PDK1: variants seen among roughly 807,000 people sequenced by gnomAD.
PDK1 encodes the protein [Pyruvate dehydrogenase (acetyl-transferring)] kinase isozyme 1, mitochondrial.
A neutral mutation model predicts 54.2 loss-of-function variants in PDK1; 39 were observed. That is an observed-to-expected ratio of 0.72 (90% confidence interval 0.56 to 0.94). PDK1 has a LOEUF of 0.94. PDK1 is among the 40% of genes least tolerant of loss of function. The pLI, the probability that PDK1 is intolerant of heterozygous loss-of-function variation, is 0.00. For synonymous variants in PDK1, 221 were observed against 207.1 expected (o/e 1.07, Z -0.58); for missense variants, 552 against 566.0 (o/e 0.98, Z 0.25).
At chr2:172,698,680 A>G in the PDK1 span, among the ~76,000 whole-genome samples, 1 of 152,232 alleles carries the variant, frequency 6.6e-6, no homozygotes, top group Non-Finnish European at 1.5e-5. Context: ...TGGGTAACAA[A>G]TTCCCAGGTG....
At chr2:172,585,430 A>G (rs764040048) in intron 8 of PDK1, among the ~76,000 whole-genome samples, 1 of 148,378 alleles carries the variant, frequency 6.7e-6, no homozygotes, top group African/African-American at 2.5e-5. Context: ...GGTTCAAGCA[A>G]TTGTTCTGCC....
chr2:172,568,896 C>G (rs1689103972), intron 7 of PDK1, 79 bp downstream of exon 7: 1 of 792,684 alleles, frequency 1.3e-6, no homozygotes, highest in Non-Finnish European at 2.2e-6. Context: ...AAATATTCCA[C>G]TAGGTTCTCC....
chr2:172,625,464 T>G, the PDK1 span, among the ~76,000 whole-genome samples: 1 of 152,252 alleles, frequency 6.6e-6, no homozygotes, highest in African/African-American at 2.4e-5. Context: ...ATCATGCATC[T>G]GTTTGTAACT....
At chr2:172,686,504 A>G in the PDK1 span, among the ~76,000 whole-genome samples, 1 of 152,140 alleles carries the variant, frequency 6.6e-6, no homozygotes, top group Admixed American at 6.5e-5. Context: ...TGCTCTGTAA[A>G]ATGGACCAAT....
At chr2:172,609,731 A>C (rs1485599736), downstream of PDK1, among the ~76,000 whole-genome samples, 1 of 152,240 alleles carries the variant, frequency 6.6e-6, no homozygotes, top group Non-Finnish European at 1.5e-5. Context: ...TCCCAAAAGT[A>C]AACTCAATTA....
At chr2:172,720,034 G>A in the PDK1 span, among the ~76,000 whole-genome samples, 49 of 151,828 alleles carry the variant, frequency 3.2e-4, no homozygotes, top group South Asian at 7.3e-3. Context: ...TTTGTATAGG[G>A]GTTGAGTTTA....
chr2:172,648,353 A>G, the PDK1 span, among the ~76,000 whole-genome samples: 1 of 152,206 alleles, frequency 6.6e-6, no homozygotes, highest in African/African-American at 2.4e-5. Context: ...AAACAGAAAA[A>G]TGTTAAATGT....
the PDK1 span, among the ~76,000 whole-genome samples, chr2:172,676,191 A>G: frequency 3.9e-5 from 6 of 152,292 alleles, no homozygotes; most frequent in South Asian, 8.3e-4. Context: ...CATGATTTTC[A>G]TGCCTGCTAA....
downstream of PDK1, among the ~76,000 whole-genome samples, chr2:172,609,577 G>C (rs1157667773): frequency 6.6e-6 from 1 of 152,188 alleles, no homozygotes; most frequent in East Asian, 1.9e-4. Context: ...ATTTATTAGA[G>C]TCCAAACAAC....
At chr2:172,663,558 C>T in the PDK1 span, among the ~76,000 whole-genome samples, 1 of 151,698 alleles carries the variant, frequency 6.6e-6, no homozygotes, top group Non-Finnish European at 1.5e-5. Flanking sequence ...CAGCCTCCAC[C>T]TCCCAGGCTC....
At chr2:172,710,185 G>A in the PDK1 span, among the ~76,000 whole-genome samples, 5 of 152,126 alleles carry the variant, frequency 3.3e-5, no homozygotes, top group African/African-American at 9.6e-5. Flanking sequence ...AAACTTTCAC[G>A]GTAAAGGCAC....
intron 5 of PDK1, among the ~76,000 whole-genome samples, 163 bp from the exon 6 acceptor site, chr2:172,566,693 C>CAA (rs764324321): frequency 0.027 from 1,590 of 59,496 alleles, 47 homozygotes; most frequent in African/African-American, 0.088. Flanking sequence ...ATGTCTCTAC[C>CAA]AAAAAAAAAA....
chr2:172,626,274 A>G, the PDK1 span, among the ~76,000 whole-genome samples: 1 of 152,162 alleles, frequency 6.6e-6, no homozygotes, highest in Non-Finnish European at 1.5e-5. Flanking sequence ...CTACTTTTCA[A>G]TTTGATTTTG....
chr2:172,716,150 A>G, the PDK1 span, among the ~76,000 whole-genome samples: 4 of 152,198 alleles, frequency 2.6e-5, no homozygotes, highest in East Asian at 5.8e-4. Flanking sequence ...AATGTTATCA[A>G]GATGGATGTG....
Position 172,599,621 on chromosome 2 carries a change from A to G in PDK1, c.*3652A>G, listed in dbSNP as rs921023353. ...AAATAATATAATTAATACTGTGTGA[A>G]GAATTTTTTGCATGTTAAAAAAAGC... On this transcript the variant is annotated 3_prime_UTR_variant, in exon 11 of 11. Coordinates refer to ENST00000282077, the MANE Select transcript of PDK1 (RefSeq NM_002610.5). 2 of 152,204 alleles carry G rather than the reference A, an allele frequency of 1.3e-5. No homozygotes were observed. The highest frequency in any genetic ancestry group is 2.9e-5 in the Non-Finnish European group (2 of 68,040). 9.4% of individuals were successfully genotyped at this position (152,204 alleles called of 1,614,324 possible). A position where few individuals can be genotyped will look rare whatever the true frequency, so the allele number is the denominator to read the frequency against.
the PDK1 span, among the ~76,000 whole-genome samples, chr2:172,642,309 G>A: frequency 3.3e-5 from 5 of 152,168 alleles, no homozygotes; most frequent in Non-Finnish European, 4.4e-5. Flanking sequence ...TTAATCTCTT[G>A]TGTGGGTACT....
chr2:172,578,766 T>C (rs1284115244), intron 8 of PDK1, among the ~76,000 whole-genome samples: 1 of 152,118 alleles, frequency 6.6e-6, no homozygotes, highest in African/African-American at 2.4e-5. Context: ...TTAATTCTTT[T>C]AAGTTTGAAT....
chr2:172,592,862 G>A (rs998157499), intron 9 of PDK1, 73 bp from the exon 10 acceptor site: 3 of 769,996 alleles, frequency 3.9e-6, no homozygotes, highest in Admixed American at 1.8e-5. Context: ...GTACTCAATG[G>A]CATCTATCTT....
the PDK1 span, among the ~76,000 whole-genome samples, chr2:172,687,488 G>A: frequency 6.6e-6 from 1 of 152,116 alleles, no homozygotes; most frequent in Non-Finnish European, 1.5e-5. Context: ...TTAGAAGGAT[G>A]AACTATAGCT....
Sources: gnomAD v4.1 joint callset for allele counts (sites outside exome capture counted in the v4.1 genomes callset) on GRCh38, gnomAD v4.1.1 for gene constraint, MANE v1.5 for transcripts, NCBI Gene and HGNC (gene_info 2026-07-23, HGNC 2026-07-21) for gene names.